The following USH1C variants were observed in gnomAD, a reference collection of about 807,000 sequenced individuals.
USH1C encodes the protein USH1 protein network component harmonin, also known as harmonin.
USH1C carries 90 observed loss-of-function variants against 119.3 expected under a neutral mutation model. That is an observed-to-expected ratio of 0.75 (90% confidence interval 0.64 to 0.90). USH1C has a LOEUF of 0.90. Ranked by LOEUF, USH1C falls within the 40% of genes least tolerant of loss-of-function variation. The pLI is 0.00. For missense variants in USH1C, 1,165 were observed against 1,167.7 expected (o/e 1.00, Z 0.03); for synonymous variants, 465 against 443.3 (o/e 1.05, Z -0.62).
rs1491464549 is a variant in USH1C, at chr11:17,533,365, CCG to C, written c.37-45_37-44del. 3.2e-3 allele frequency: 4,555 copies of C among 1,436,800 alleles called. 123 individuals are homozygous for C. The African/African-American group carries it at 0.056, about 18-fold the overall frequency. 89.0% of individuals were successfully genotyped at this position (1,436,800 alleles called of 1,614,324 possible). On this transcript the variant is annotated intron_variant, in intron 1 of 26. Coordinates refer to ENST00000005226, the MANE Select transcript of USH1C (RefSeq NM_153676.4). ...AGAATCACAGCTCCAGGCTCAGCAC[CCG>C]CCCCCATAGCAGACCTCAGGGAGGA...
intron 4 of USH1C, among the ~76,000 whole-genome samples, chr11:17,529,207 T>C (rs1466518507): frequency 6.6e-6 from 1 of 152,164 alleles, no homozygotes; most frequent in Non-Finnish European, 1.5e-5. Flanking sequence ...CACAGAATAA[T>C]TTTCTAGGTC....
At chr11:17,513,118 C>T (rs1245387582) in intron 15 of USH1C, among the ~76,000 whole-genome samples, 1 of 152,180 alleles carries the variant, frequency 6.6e-6, no homozygotes, top group Admixed American at 6.5e-5. Flanking sequence ...CATCTTGTAA[C>T]TGATAGTACC....
At chr11:17,533,365 C>CA (rs1554963786) in intron 1 of USH1C, 43 bp from the exon 2 acceptor site, 39 of 1,436,760 alleles carry the variant, frequency 2.7e-5, no homozygotes, top group South Asian at 2.6e-4. Flanking sequence ...GGCTCAGCAC[C>CA]CGCCCCCATA....
intron 25 of USH1C, 108 bp downstream of exon 25, chr11:17,496,650 G>T: frequency 1.5e-6 from 2 of 1,359,822 alleles, no homozygotes; most frequent in Non-Finnish European, 2.1e-6. Context: ...CTGCGTGCTT[G>T]GGCCATTCCT....
intron 14 of USH1C, among the ~76,000 whole-genome samples, chr11:17,518,364 A>T (rs1163232937): frequency 6.6e-6 from 1 of 152,228 alleles, no homozygotes; most frequent in Non-Finnish European, 1.5e-5. Context: ...GAGATAGTTG[A>T]TGGGGCCTTG....
intron 1 of USH1C, among the ~76,000 whole-genome samples, chr11:17,537,691 C>T (rs1013687605): frequency 1.3e-5 from 2 of 152,168 alleles, no homozygotes; most frequent in Admixed American, 1.3e-4. Context: ...CAGATGAGGC[C>T]CAAGTCCCCT....
Position 17,511,953 on chromosome 11 carries a change from C to T in USH1C, c.1362G>A (p.Glu454=), listed in dbSNP as rs141729602. Residue 454 remains glutamate (E), a synonymous_variant, in exon 16 of 27, where the codon GAG becomes GAA. Coordinates refer to ENST00000005226, the MANE Select transcript of USH1C (RefSeq NM_153676.4). ...EFEQKLYKEK[E]EMLEKEKQLK... ...GCTGCTTTTCCTTCTCCAGCATTTC[C>T]TCTTTCTCTTTGTAAAGCTTTTGCT... 441 of 1,614,092 alleles carry T rather than the reference C, an allele frequency of 2.7e-4. No individual in the cohort carries two copies. The highest frequency in any genetic ancestry group is 3.7e-4 in the Non-Finnish European group (432 of 1,180,050).
chr11:17,501,497 G>A lies in USH1C; in HGVS notation c.2265C>T (p.Leu755=), dbSNP rs151251262. Residue 755 remains leucine, a synonymous_variant, in exon 22 of 27, where the codon CTC becomes CTT. Transcript: ENST00000005226. ...GCCCAGGTACCTTCTTGATGCGTAG[G>A]AGCCGGACATCCTTCCCCATGATCT... The part of the protein sequence containing the change: ...PEQIMGKDVR[L]LRIKKEGSLD... 1.1e-4 allele frequency: 173 copies of A among 1,613,256 alleles called. No homozygotes were observed. The African/African-American group carries it at 1.7e-3, about 16-fold the overall frequency.
chr11:17,503,653 T>C (rs1259362639), intron 20 of USH1C, among the ~76,000 whole-genome samples: 1 of 152,224 alleles, frequency 6.6e-6, no homozygotes. Context: ...GTGACGACAG[T>C]GCTTTAAGGC....
intron 18 of USH1C, 135 bp downstream of exon 18, chr11:17,509,221 G>A (rs1368159773): frequency 8.0e-7 from 1 of 1,245,024 alleles, no homozygotes; most frequent in South Asian, 1.7e-5. Flanking sequence ...GCACACGGAG[G>A]GGGCATTCCT....
intron 23 of USH1C, among the ~76,000 whole-genome samples, chr11:17,498,672 A>G (rs1385719184): frequency 6.6e-6 from 1 of 152,162 alleles, no homozygotes; most frequent in Non-Finnish European, 1.5e-5. Context: ...CAGAGGCTTC[A>G]TGTCGCTGTT....
chr11:17,542,255 C>T (rs1034698088), intron 1 of USH1C, among the ~76,000 whole-genome samples: 2 of 152,248 alleles, frequency 1.3e-5, no homozygotes, highest in Non-Finnish European at 2.9e-5. Flanking sequence ...TCTTCCAAAA[C>T]ACTAAGGAAG....
chr11:17,507,678 A>C (rs1211781481), intron 18 of USH1C, among the ~76,000 whole-genome samples: 2 of 152,244 alleles, frequency 1.3e-5, no homozygotes, highest in Admixed American at 6.5e-5. Flanking sequence ...AGGGATGCCC[A>C]GGCTCAGATA....
chr11:17,512,543 A>G (rs1331012703), intron 15 of USH1C, among the ~76,000 whole-genome samples: 1 of 152,238 alleles, frequency 6.6e-6, no homozygotes, highest in African/African-American at 2.4e-5. Flanking sequence ...TCTCATGTTC[A>G]GATTCAGAGA....
chr11:17,544,129 A>T, intron 1 of USH1C, 143 bp downstream of exon 1: 1 of 1,055,944 alleles, frequency 9.5e-7, no homozygotes, highest in Non-Finnish European at 1.4e-6. Context: ...GCTGCCAGCC[A>T]GACGACCCTC....
chr11:17,513,157 T>C (rs1022883690), intron 15 of USH1C, among the ~76,000 whole-genome samples: 1 of 152,188 alleles, frequency 6.6e-6, no homozygotes, highest in African/African-American at 2.4e-5. Context: ...TTCGAGGTCC[T>C]AGTTTTTCTA....
Position 17,527,205 on chromosome 11 carries a change from T to C in USH1C, c.496+18A>G, listed in dbSNP as rs1327668205. The C allele has an allele frequency of 4.9e-6, 7 of 1,420,396 alleles. No individual in the cohort carries two copies. Among genetic ancestry groups the C allele is most frequent in the African/African-American group, 4.3e-5 (3 of 70,166 alleles). The allele number at this position is 1,420,396 out of a possible 1,614,324, so 88.0% of individuals were successfully genotyped here. On this transcript the variant is annotated intron_variant, in intron 5 of 26. Coordinates refer to ENST00000005226, the MANE Select transcript of USH1C (RefSeq NM_153676.4). ...CTCCCACCGTCATGGAGTACTGCCC[T>C]GCTCTGGCCTCACTCACGTCTCACT...
rs773481791 is a variant in USH1C, at chr11:17,522,922, C to T, written c.881G>A (p.Arg294Gln). The T allele has an allele frequency of 2.2e-5, 35 of 1,610,982 alleles. 1 individual carries two copies. Among genetic ancestry groups the T allele is most frequent in the African/African-American group, 2.7e-5 (2 of 74,896 alleles). ...LTISIVAAAGRELFMTDRERL... is the reference protein window; with the variant it reads ...LTISIVAAAGQELFMTDRERL... ...CTCCCGGTCTGTCATGAACAGCTCC[C>T]GGCCCTCATGGGAGAAAAGAGGCCC... is the stretch of plus-strand genomic sequence containing the variant. The change falls in exon 12 of 27, where the codon CGG becomes CAG. Residue 294 changes from arginine to glutamine, a missense_variant. By Grantham distance (43) the Arg-to-Gln change is conservative. Transcript: ENST00000005226.
intron 24 of USH1C, chr11:17,497,030 T>G (rs1849274308): frequency 1.8e-6 from 1 of 542,368 alleles, no homozygotes; most frequent in African/African-American, 1.9e-5. Flanking sequence ...GCAAGGCCCT[T>G]GAATGACACT....
Sources: gnomAD v4.1 joint callset for allele counts (sites outside exome capture counted in the v4.1 genomes callset) on GRCh38, gnomAD v4.1.1 for gene constraint, MANE v1.5 for transcripts, NCBI Gene and HGNC (gene_info 2026-07-23, HGNC 2026-07-21) for gene names.